Variants in ABTB2 observed in about 807,000 individuals in gnomAD.
The protein encoded by ABTB2 is ankyrin repeat and BTB/POZ domain-containing protein 2.
Under a neutral mutation model 104.1 loss-of-function variants are expected in ABTB2, and 56 were observed. The ratio of observed to expected loss-of-function variants is 0.54; its 90% confidence interval spans 0.43 to 0.67. The LOEUF is 0.67. Ranked by LOEUF, ABTB2 falls within the 30% of genes least tolerant of loss-of-function variation. The pLI is 0.00. For missense variants in ABTB2, 1,279 were observed against 1,407.7 expected, an observed-to-expected ratio of 0.91 and a Z score of 1.46; for synonymous variants, 606 against 608.2, an observed-to-expected ratio of 1.00 and a Z score of 0.05.
Position 34,173,413 on chromosome 11 carries a change from G to C in ABTB2, c.1245-106C>G. ...GCTTCTTGTGGGGCAGCAGAGAGAG[G>C]GTCAGTCCTAGGGTGGGGGGCTCCC... On this transcript the variant is annotated intron_variant, in intron 3 of 16. Transcript: ENST00000435224. 4 of 1,378,224 alleles carry C rather than the reference G, an allele frequency of 2.9e-6. No individual in the cohort carries two copies. The South Asian group carries it at 5.8e-5, about 20-fold the overall frequency. 85.4% of individuals were successfully genotyped at this position (1,378,224 alleles called of 1,614,324 possible).
At chr11:34,207,006 C>T (rs908983720) in intron 1 of ABTB2, among the ~76,000 whole-genome samples, 2 of 152,234 alleles carry the variant, frequency 1.3e-5, no homozygotes, top group Non-Finnish European at 2.9e-5. Context: ...GGGCTCTCCC[C>T]CGCAGCCCCC....
intron 1 of ABTB2, among the ~76,000 whole-genome samples, chr11:34,205,298 G>A (rs541526858): frequency 1.4e-4 from 21 of 152,344 alleles, no homozygotes; most frequent in Middle Eastern, 3.4e-3. Context: ...AGAAGGGGAC[G>A]TGTCCTAGCC....
chr11:34,274,168 A>C (rs1854355454), intron 1 of ABTB2, among the ~76,000 whole-genome samples: 1 of 106,610 alleles, frequency 9.4e-6, no homozygotes, highest in Non-Finnish European at 2.2e-5. Context: ...CAAAAAAAAA[A>C]AAAAAAAAAA....
At chr11:34,254,253 T>C (rs1324828196) in intron 1 of ABTB2, among the ~76,000 whole-genome samples, 1 of 152,042 alleles carries the variant, frequency 6.6e-6, no homozygotes, top group African/African-American at 2.4e-5. Context: ...GGGAAGCTTT[T>C]TGATTTTTTT....
At chr11:34,317,585 T>C (rs1179186279) in intron 1 of ABTB2, among the ~76,000 whole-genome samples, 3 of 151,762 alleles carry the variant, frequency 2.0e-5, no homozygotes, top group Admixed American at 6.6e-5. Context: ...CCAGCCTAGG[T>C]AACATGACAA....
chr11:34,186,320 A>G (rs1319661872), intron 3 of ABTB2, among the ~76,000 whole-genome samples: 1 of 152,240 alleles, frequency 6.6e-6, no homozygotes, highest in Non-Finnish European at 1.5e-5. Flanking sequence ...AAGAGGATAG[A>G]AATCCCAAGA....
intron 1 of ABTB2, among the ~76,000 whole-genome samples, chr11:34,340,587 C>G (rs1855251318): frequency 6.6e-6 from 1 of 152,110 alleles, no homozygotes; most frequent in African/African-American, 2.4e-5. Context: ...TCTTTTGGTC[C>G]TACTCTTCTC....
At chr11:34,268,413 G>A (rs1315017863) in intron 1 of ABTB2, among the ~76,000 whole-genome samples, 2 of 152,206 alleles carry the variant, frequency 1.3e-5, no homozygotes, top group South Asian at 2.1e-4. Context: ...GGGACAGGAC[G>A]GCTGACATTT....
intron 1 of ABTB2, among the ~76,000 whole-genome samples, chr11:34,282,437 T>A (rs1160165626): frequency 6.6e-6 from 1 of 152,244 alleles, no homozygotes. Context: ...ATCACACTTT[T>A]GTAAAGAAAA....
chr11:34,313,253 A>T (rs1447797606), intron 1 of ABTB2, among the ~76,000 whole-genome samples: 1 of 152,202 alleles, frequency 6.6e-6, no homozygotes, highest in East Asian at 1.9e-4. Flanking sequence ...GAATGACCAG[A>T]CACCCCAACC....
At chr11:34,202,161 G>C (rs138205904) in intron 2 of ABTB2, among the ~76,000 whole-genome samples, 45 of 152,364 alleles carry the variant, frequency 3.0e-4, no homozygotes, top group African/African-American at 1.1e-3. Context: ...GTGGTGATCA[G>C]TGCTTTAATA....
intron 1 of ABTB2, among the ~76,000 whole-genome samples, chr11:34,282,471 T>C (rs565206911): frequency 2.0e-5 from 3 of 152,318 alleles, no homozygotes; most frequent in Non-Finnish European, 4.4e-5. Flanking sequence ...ATCAACATCT[T>C]GACACAAACT....
chr11:34,252,339 C>A lies in ABTB2; in HGVS notation c.884-47649G>T, dbSNP rs960020441. On this transcript the variant is annotated intron_variant, in intron 1 of 16. Transcript: ENST00000435224. This position sits in a 1 kb window ranked among gnomAD's most constrained non-coding sequence, Gnocchi z 5.5. The stretch of plus-strand genomic sequence containing the variant: ...TCTTTGGACTGGCCCCATCTCTTCC[C>A]TGGCTTGGGGCTGACTTCCCTTTAG... Among the ~76,000 whole-genome samples the A allele has an allele frequency of 6.6e-6, 1 of 152,216 alleles. No individual in the cohort carries two copies. The highest frequency in any genetic ancestry group is 1.5e-5 in the Non-Finnish European group (1 of 68,046).
At chr11:34,165,396 G>T in intron 7 of ABTB2, 40 bp from the exon 8 acceptor site, 5 of 1,540,506 alleles carry the variant, frequency 3.2e-6, no homozygotes, top group Non-Finnish European at 2.6e-6. Context: ...GCTCAGCGTG[G>T]CAGGGAGCAC....
At chr11:34,181,622 G>C (rs1040810972) in intron 3 of ABTB2, among the ~76,000 whole-genome samples, 5 of 152,190 alleles carry the variant, frequency 3.3e-5, no homozygotes, top group African/African-American at 9.6e-5. Context: ...GAAGGGCCTC[G>C]AGACCAGGCC....
chr11:34,165,874 G>A (rs555954840), intron 7 of ABTB2, among the ~76,000 whole-genome samples: 3 of 152,330 alleles, frequency 2.0e-5, no homozygotes, highest in South Asian at 4.1e-4. Flanking sequence ...GCTTCTTGTC[G>A]GAGAGGTACA....
intron 3 of ABTB2, among the ~76,000 whole-genome samples, chr11:34,184,881 C>T (rs1479921287): frequency 1.3e-5 from 2 of 152,244 alleles, no homozygotes; most frequent in African/African-American, 2.4e-5. Context: ...CACCAGAGAC[C>T]ACGAGCTCTT....
chr11:34,171,769 C>T (rs759380256), intron 4 of ABTB2, among the ~76,000 whole-genome samples: 43 of 152,206 alleles, frequency 2.8e-4, no homozygotes, highest in Admixed American at 5.2e-4. Context: ...AGCCTATAAA[C>T]GGTCACCATG....
At chr11:34,320,059 G>C (rs1169425978) in intron 1 of ABTB2, among the ~76,000 whole-genome samples, 2 of 152,178 alleles carry the variant, frequency 1.3e-5, no homozygotes, top group African/African-American at 2.4e-5. Context: ...ACTTTTTAGA[G>C]AGCAGGTGTA....
Sources: allele counts gnomAD v4.1 joint callset (sites outside exome capture counted in the v4.1 genomes callset), GRCh38; gene constraint gnomAD v4.1.1; non-coding constraint Gnocchi (gnomAD v3.1); transcripts MANE v1.5; gene names NCBI Gene and HGNC (gene_info 2026-07-23, HGNC 2026-07-21).